The following LOC128462377 variants were observed in gnomAD, a reference collection of about 807,000 sequenced individuals.
the LOC128462377 span, among the ~76,000 whole-genome samples, chr16:89,397,335 G>A: frequency 1.3e-5 from 2 of 152,200 alleles, no homozygotes; most frequent in South Asian, 2.1e-4. Context: ...GGATTCCACC[G>A]TAAGTGCTGT....
the LOC128462377 span, among the ~76,000 whole-genome samples, chr16:89,368,216 T>C: frequency 6.6e-6 from 1 of 151,698 alleles, no homozygotes; most frequent in Admixed American, 6.6e-5. Flanking sequence ...TTTTTTTTGA[T>C]ACAGATTCTT....
At chr16:89,415,132 T>C in the LOC128462377 span, among the ~76,000 whole-genome samples, 3 of 151,894 alleles carry the variant, frequency 2.0e-5, no homozygotes, top group Non-Finnish European at 4.4e-5. Context: ...TTTTTTATTT[T>C]TTGTAGAGAT....
the LOC128462377 span, among the ~76,000 whole-genome samples, chr16:89,381,827 T>C: frequency 6.6e-6 from 1 of 152,026 alleles, no homozygotes; most frequent in African/African-American, 2.4e-5. Flanking sequence ...GGGGAAGAGG[T>C]AGAGGTCAGA....
chr16:89,329,995 AAAAATAAAATAAAAT>A, the LOC128462377 span, among the ~76,000 whole-genome samples: 7 of 146,212 alleles, frequency 4.8e-5, no homozygotes, highest in South Asian at 4.4e-4. Context: ...ACCTTGTCTC[AAAAATAAAATAAAAT>A]AAAATAAAAT....
chr16:89,323,128 T>C, the LOC128462377 span: 3 of 342,844 alleles, frequency 8.8e-6, no homozygotes, highest in East Asian at 1.0e-4. Flanking sequence ...GTGCGCTCCG[T>C]GGAAAGGGAG....
At chr16:89,340,330 T>A in the LOC128462377 span, among the ~76,000 whole-genome samples, 12 of 152,258 alleles carry the variant, frequency 7.9e-5, no homozygotes. Flanking sequence ...CAGGCTGAAG[T>A]GCAGTGGCAC....
At chr16:89,381,799 T>A in the LOC128462377 span, among the ~76,000 whole-genome samples, 3 of 152,168 alleles carry the variant, frequency 2.0e-5, no homozygotes, top group African/African-American at 4.8e-5. Context: ...CCCGAGCACA[T>A]TGACCCCACG....
chr16:89,324,242 G>A, the LOC128462377 span: 12 of 1,209,084 alleles, frequency 9.9e-6, no homozygotes, highest in African/African-American at 1.1e-4. Flanking sequence ...TCAGACACAT[G>A]CTTGGTCACT....
chr16:89,377,812 A>C, the LOC128462377 span, among the ~76,000 whole-genome samples: 1,000 of 152,216 alleles, frequency 6.6e-3, 5 homozygotes, highest in Non-Finnish European at 0.011. Context: ...GCACTTCGTA[A>C]GTTACACCAA....
chr16:89,363,657 C>A, the LOC128462377 span, among the ~76,000 whole-genome samples: 1 of 152,168 alleles, frequency 6.6e-6, no homozygotes, highest in Admixed American at 6.5e-5. Flanking sequence ...TTATGTCCAC[C>A]AAGCACCACA....
chr16:89,390,503 C>T, the LOC128462377 span, among the ~76,000 whole-genome samples: 1 of 152,186 alleles, frequency 6.6e-6, no homozygotes, highest in African/African-American at 2.4e-5. Flanking sequence ...AAAGCCTGAA[C>T]ATTTCCACAT....
the LOC128462377 span, among the ~76,000 whole-genome samples, chr16:89,351,547 C>G: frequency 6.6e-6 from 1 of 152,328 alleles, no homozygotes; most frequent in Admixed American, 6.5e-5. Flanking sequence ...TGGATACAGA[C>G]TCTCGGGCAG....
chr16:89,323,138 G>T, the LOC128462377 span: 2 of 359,258 alleles, frequency 5.6e-6, no homozygotes, highest in Non-Finnish European at 1.1e-5. Flanking sequence ...TGGAAAGGGA[G>T]AAGCACGGTC....
At chr16:89,335,906 T>G in the LOC128462377 span, among the ~76,000 whole-genome samples, 1 of 152,104 alleles carries the variant, frequency 6.6e-6, no homozygotes, top group Non-Finnish European at 1.5e-5. Flanking sequence ...AGCAGCTGAC[T>G]GGCCAGACCC....
the LOC128462377 span, among the ~76,000 whole-genome samples, chr16:89,351,508 G>A: frequency 2.3e-4 from 35 of 152,262 alleles, no homozygotes; most frequent in African/African-American, 7.9e-4. Flanking sequence ...ATTCAAAGAG[G>A]ATCCTAGCGA....
At chr16:89,402,351 T>A in the LOC128462377 span, among the ~76,000 whole-genome samples, 1 of 152,130 alleles carries the variant, frequency 6.6e-6, no homozygotes, top group Non-Finnish European at 1.5e-5. Context: ...CCAGCCACAA[T>A]AAGGTATCTG....
At chr16:89,396,569 C>T in the LOC128462377 span, among the ~76,000 whole-genome samples, 15 of 151,980 alleles carry the variant, frequency 9.9e-5, no homozygotes, top group Non-Finnish European at 1.6e-4. Flanking sequence ...ACTAGAACAA[C>T]ATATTTACCA....
the LOC128462377 span, among the ~76,000 whole-genome samples, chr16:89,373,718 C>A: frequency 2.0e-5 from 3 of 152,228 alleles, no homozygotes; most frequent in Non-Finnish European, 2.9e-5. Flanking sequence ...GCAGACACAA[C>A]CCCACGCGGG....
At chr16:89,395,208 C>A in the LOC128462377 span, among the ~76,000 whole-genome samples, 1 of 152,214 alleles carries the variant, frequency 6.6e-6, no homozygotes, top group Admixed American at 6.5e-5. Flanking sequence ...TTTAAGGCAG[C>A]GTCTTAACAG....
Sources: allele counts gnomAD v4.1 joint callset (sites outside exome capture counted in the v4.1 genomes callset), GRCh38; gene constraint gnomAD v4.1.1; transcripts MANE v1.5.